The following MACF1 variants were observed in gnomAD, a reference collection of about 807,000 sequenced individuals.
The protein encoded by MACF1 is microtubule-actin cross-linking factor 1.
A neutral mutation model predicts 854.8 loss-of-function variants in MACF1; 193 were observed. The ratio of observed to expected loss-of-function variants is 0.23; its 90% CI spans 0.20 to 0.25. The LOEUF is 0.25. Ranked by LOEUF, MACF1 falls within the 10% of genes least tolerant of loss-of-function variation. MACF1 has a pLI of 1.00. For missense variants in MACF1, 7,722 were observed against 8,929.1 expected (o/e 0.86, Z 5.45); for synonymous variants, 3,185 against 3,226.7 (o/e 0.99, Z 0.44).
At chr1:39,195,650 A>C (rs763826001) in intron 2 of MACF1, among the ~76,000 whole-genome samples, 5 of 152,232 alleles carry the variant, frequency 3.3e-5, no homozygotes, top group Non-Finnish European at 7.3e-5. Context: ...AAGCTGGTCT[A>C]TAGAAATAGG....
intron 42 of MACF1, among the ~76,000 whole-genome samples, chr1:39,350,275 T>A (rs1647149951): frequency 6.6e-6 from 1 of 152,064 alleles, no homozygotes; most frequent in Non-Finnish European, 1.5e-5. Flanking sequence ...ATATTGGTCT[T>A]GAGGTGGGTA....
intron 20 of MACF1, among the ~76,000 whole-genome samples, chr1:39,296,877 A>T (rs1446426923): frequency 6.6e-6 from 1 of 152,016 alleles, no homozygotes; most frequent in Non-Finnish European, 1.5e-5. Context: ...TGTACTTCTT[A>T]TTTTCAGGTG....
At chr1:39,133,765 C>G (rs1181594841) in intron 2 of MACF1, among the ~76,000 whole-genome samples, 2 of 152,160 alleles carry the variant, frequency 1.3e-5, no homozygotes, top group Non-Finnish European at 2.9e-5. Context: ...AAGTACGATA[C>G]ATTGTTTGCT....
chr1:39,364,593 C>T (rs937764157), intron 49 of MACF1, among the ~76,000 whole-genome samples: 5 of 151,366 alleles, frequency 3.3e-5, no homozygotes, highest in Admixed American at 6.6e-5. Context: ...CCCGGGTTCA[C>T]GCCATTCTCC....
chr1:39,461,463 G>T (rs949072767), intron 92 of MACF1, among the ~76,000 whole-genome samples: 1 of 151,988 alleles, frequency 6.6e-6, no homozygotes, highest in African/African-American at 2.4e-5. Flanking sequence ...TATTTTTCAG[G>T]AAAAATCAAG....
chr1:39,287,143 T>A, intron 14 of MACF1, 143 bp from the exon 15 acceptor site: 1 of 844,620 alleles, frequency 1.2e-6, no homozygotes, highest in Admixed American at 2.9e-5. Flanking sequence ...GTATTTTTAG[T>A]AGAGACGGGG....
At chr1:39,251,769 C>A in intron 3 of MACF1, 77 bp from the exon 4 acceptor site, 1 of 754,290 alleles carries the variant, frequency 1.3e-6, no homozygotes, top group Non-Finnish European at 1.9e-6. Flanking sequence ...TTAAGTGTTG[C>A]ATTCATTTCC....
At chr1:39,414,442 C>A in intron 58 of MACF1, 1 of 1,613,984 alleles carries the variant, frequency 6.2e-7, no homozygotes, top group African/African-American at 1.3e-5. Flanking sequence ...TGGGAAAGTG[C>A]CTCTGGCTGC....
intron 35 of MACF1, among the ~76,000 whole-genome samples, 163 bp downstream of exon 35, chr1:39,324,897 C>T (rs1646580611): frequency 6.6e-6 from 1 of 152,042 alleles, no homozygotes; most frequent in Non-Finnish European, 1.5e-5. Flanking sequence ...AATTTGTTGG[C>T]TATGGGAAGA....
At chr1:39,326,682 A>C in intron 35 of MACF1, among the ~76,000 whole-genome samples, 1 of 3,396 alleles carries the variant, frequency 2.9e-4, no homozygotes, top group African/African-American at 4.5e-4. Context: ...CTCCATCTCA[A>C]AAAAAAAAAA....
At chr1:39,318,881 T>C (rs1646461672) in intron 30 of MACF1, among the ~76,000 whole-genome samples, 1 of 152,202 alleles carries the variant, frequency 6.6e-6, no homozygotes, top group South Asian at 2.1e-4. Flanking sequence ...ATTTTGTTTT[T>C]TTTTATATTA....
chr1:39,167,041 A>G (rs1643889567), intron 2 of MACF1, among the ~76,000 whole-genome samples: 1 of 151,914 alleles, frequency 6.6e-6, no homozygotes, highest in Admixed American at 6.6e-5. Flanking sequence ...GGCTCACTGC[A>G]ACCTCCGTGT....
At chr1:39,147,469 T>C (rs1643494492) in intron 2 of MACF1, among the ~76,000 whole-genome samples, 1 of 151,068 alleles carries the variant, frequency 6.6e-6, no homozygotes. Context: ...TTTCCTCTTT[T>C]TTCCCCTCCC....
chr1:39,327,009 A>G (rs1417113805), intron 35 of MACF1, among the ~76,000 whole-genome samples: 2 of 152,132 alleles, frequency 1.3e-5, no homozygotes, highest in Non-Finnish European at 2.9e-5. Flanking sequence ...TTGAACTACA[A>G]GCATAGGGGT....
At chr1:39,443,607 A>G in intron 79 of MACF1, 33 bp downstream of exon 79, 3 of 1,577,246 alleles carry the variant, frequency 1.9e-6, no homozygotes, top group Non-Finnish European at 2.6e-6. Flanking sequence ...GAGCATAAGC[A>G]TCCCATATTC....
intron 56 of MACF1, among the ~76,000 whole-genome samples, chr1:39,384,506 A>G (rs1009575866): frequency 1.3e-5 from 2 of 152,198 alleles, no homozygotes; most frequent in Non-Finnish European, 2.9e-5. Context: ...AAGGTCATAC[A>G]GCTAGTAGGT....
Position 39,322,960 on chromosome 1 carries a change from G to A in MACF1, c.4188G>A (p.Gln1396=), listed in dbSNP as rs1557587123. Residue 1396 remains glutamine (Q), a synonymous_variant, in exon 33 of 101, where the codon CAG becomes CAA. Transcript: ENST00000564288. ...RYTALVTLTT[Q]HVKYISDALR... ...CGGCATTGGTGACTTTAACAACTCA[G>A]CACGTGAAATACATCAGTGATGCAC... The A allele has an allele frequency of 6.2e-7, 1 of 1,614,116 alleles. No individual in the cohort carries two copies. Among genetic ancestry groups the A allele is most frequent in the Non-Finnish European group, 8.5e-7 (1 of 1,179,972 alleles).
At chr1:39,343,926 AC>A (rs1185081326) in intron 40 of MACF1, among the ~76,000 whole-genome samples, 5 of 151,410 alleles carry the variant, frequency 3.3e-5, no homozygotes, top group African/African-American at 1.2e-4. Context: ...GACCAGCCTG[AC>A]CAACAAGAAG....
At chr1:39,201,594 C>T (rs377081509), upstream of MACF1, among the ~76,000 whole-genome samples, 20 of 152,246 alleles carry the variant, frequency 1.3e-4, no homozygotes, top group East Asian at 1.5e-3. Flanking sequence ...CCTCATGATC[C>T]ACCTGCCTCG....
Sources: allele counts gnomAD v4.1 joint callset (sites outside exome capture counted in the v4.1 genomes callset), GRCh38; gene constraint gnomAD v4.1.1; transcripts MANE v1.5; gene names NCBI Gene and HGNC (gene_info 2026-07-23, HGNC 2026-07-21).